NFIA: variants seen among roughly 807,000 people sequenced by gnomAD.
The protein encoded by NFIA is nuclear factor I A.
A neutral mutation model predicts 62.8 loss-of-function variants in NFIA; 8 were observed. The observed-to-expected ratio is 0.13, with a 90% CI of 0.07 to 0.23. NFIA has a LOEUF of 0.23. Ranked by LOEUF, NFIA falls within the 10% of genes least tolerant of loss-of-function variation. The pLI, the probability that NFIA is intolerant of heterozygous loss-of-function variation, is 1.00. For missense variants in NFIA, 410 were observed against 642.1 expected (o/e 0.64, Z 3.91); for synonymous variants, 235 against 238.1 (o/e 0.99, Z 0.12).
At chr1:61,215,923 G>A (rs1653591123) in intron 2 of NFIA, among the ~76,000 whole-genome samples, 1 of 152,152 alleles carries the variant, frequency 6.6e-6, no homozygotes, top group Non-Finnish European at 1.5e-5. Flanking sequence ...CAGCATTCAC[G>A]TACCTTGCTT....
chr1:61,099,206 T>C (rs1489820407), intron 2 of NFIA, among the ~76,000 whole-genome samples: 1 of 152,232 alleles, frequency 6.6e-6, no homozygotes, highest in Non-Finnish European at 1.5e-5. Context: ...AAAGACTGAT[T>C]ATGCATAGCT....
chr1:61,395,291 T>G (rs955584620), intron 7 of NFIA, among the ~76,000 whole-genome samples: 54 of 150,686 alleles, frequency 3.6e-4, no homozygotes, highest in East Asian at 9.7e-4. Context: ...TGTGTGTGTT[T>G]TTTTTTTTTT....
rs774085968 is a variant in NFIA, at chr1:61,404,117, A to G, written c.1089A>G (p.Ala363=). The G allele has an allele frequency of 4.3e-6, 7 of 1,614,002 alleles. No individual in the cohort carries two copies. In the East Asian group the frequency reaches 1.6e-4, roughly 36 times the overall value. The change falls in exon 8 of 11, where the codon GCA becomes GCG. Residue 363 remains alanine (A), a synonymous_variant. Coordinates refer to ENST00000403491, the MANE Select transcript of NFIA (RefSeq NM_001134673.4). ...CTTTTCCTGCAGCAAGTCCGCATGC[A>G]ACACCATCGACTCTTCATTTCCCGA... The part of the protein sequence containing the change: ...VITGPRASPH[A]TPSTLHFPTS...
At chr1:61,335,478 C>T (rs984870859) in intron 4 of NFIA, among the ~76,000 whole-genome samples, 1 of 152,148 alleles carries the variant, frequency 6.6e-6, no homozygotes, top group African/African-American at 2.4e-5. Context: ...GAGAAGCAAC[C>T]GTTTCAGAAC....
At chr1:61,181,969 TTTG>T (rs1650789599) in intron 2 of NFIA, among the ~76,000 whole-genome samples, 1 of 152,218 alleles carries the variant, frequency 6.6e-6, no homozygotes, top group Admixed American at 6.5e-5. Context: ...AGACTCAAAG[TTTG>T]TTAAGTGAAT....
At chr1:61,195,566 G>A (rs745411627) in intron 2 of NFIA, among the ~76,000 whole-genome samples, 1 of 152,084 alleles carries the variant, frequency 6.6e-6, no homozygotes, top group Non-Finnish European at 1.5e-5. Context: ...ATTTTAAAAT[G>A]TAATTTGGCT....
intron 6 of NFIA, among the ~76,000 whole-genome samples, chr1:61,366,564 T>C (rs902242304): frequency 2.6e-5 from 4 of 152,254 alleles, no homozygotes; most frequent in Non-Finnish European, 5.9e-5. Flanking sequence ...TTTATTTTTA[T>C]AAATAACTTT....
Position 61,455,593 on chromosome 1 carries a change from G to T in NFIA, c.*273G>T. 1.9e-6 allele frequency: 1 copy of T among 528,746 alleles called. No individual in the cohort carries two copies. Among genetic ancestry groups the T allele is most frequent in the Non-Finnish European group, 3.3e-6 (1 of 305,524 alleles). 32.8% of individuals were successfully genotyped at this position (528,746 alleles called of 1,614,324 possible). A position where few individuals can be genotyped will look rare whatever the true frequency, so the allele number is the denominator to read the frequency against. On this transcript the variant is annotated 3_prime_UTR_variant, in exon 11 of 11. Transcript: ENST00000403491. ...GAAATGGTTGGGCTTTGTAACATTTGAAGTGTTTCCATGGTAGCGTGAGCA... is the reference window on the plus strand; with the variant it reads ...GAAATGGTTGGGCTTTGTAACATTTTAAGTGTTTCCATGGTAGCGTGAGCA...
At chr1:61,233,968 G>T (rs1276100725) in intron 2 of NFIA, among the ~76,000 whole-genome samples, 1 of 152,148 alleles carries the variant, frequency 6.6e-6, no homozygotes, top group Non-Finnish European at 1.5e-5. Context: ...TCTACAGAGA[G>T]CTGTGAAGAG....
chr1:61,119,022 C>A (rs1347511572), intron 2 of NFIA, among the ~76,000 whole-genome samples: 2 of 151,928 alleles, frequency 1.3e-5, no homozygotes, highest in African/African-American at 4.8e-5. Flanking sequence ...GTCTTTTCCT[C>A]CTATAATACA....
intron 9 of NFIA, among the ~76,000 whole-genome samples, chr1:61,417,087 T>G (rs1416394361): frequency 6.6e-6 from 1 of 152,086 alleles, no homozygotes; most frequent in Non-Finnish European, 1.5e-5. Context: ...CATAACCCAG[T>G]CAACTCTTGT....
intron 3 of NFIA, among the ~76,000 whole-genome samples, chr1:61,280,478 T>C (rs1658066643): frequency 6.6e-6 from 1 of 152,190 alleles, no homozygotes; most frequent in African/African-American, 2.4e-5. Flanking sequence ...TTTGTATGTA[T>C]GCGAAAAAAT....
At chr1:61,164,563 C>T (rs1224218252) in intron 2 of NFIA, among the ~76,000 whole-genome samples, 1 of 151,980 alleles carries the variant, frequency 6.6e-6, no homozygotes, top group Non-Finnish European at 1.5e-5. Flanking sequence ...GGGTTCACGC[C>T]ATTCTCCTGC....
chr1:61,128,162 G>A (rs989591938), intron 2 of NFIA, among the ~76,000 whole-genome samples: 18 of 151,704 alleles, frequency 1.2e-4, no homozygotes, highest in African/African-American at 4.4e-4. Flanking sequence ...TGTTGCCCAC[G>A]CTGGCTCAAA....
At chr1:61,394,123 C>T (rs926258503) in intron 7 of NFIA, among the ~76,000 whole-genome samples, 2 of 152,180 alleles carry the variant, frequency 1.3e-5, no homozygotes, top group African/African-American at 4.8e-5. Context: ...CACCTGTGTA[C>T]ATTAATGCTA....
chr1:61,369,857 T>C (rs531217035), intron 6 of NFIA, among the ~76,000 whole-genome samples: 1 of 152,192 alleles, frequency 6.6e-6, no homozygotes, highest in Non-Finnish European at 1.5e-5. Flanking sequence ...ATACTATTGT[T>C]TGCAGACTTA....
intron 2 of NFIA, among the ~76,000 whole-genome samples, chr1:61,187,267 G>A (rs1651255416): frequency 6.6e-6 from 1 of 152,018 alleles, no homozygotes; most frequent in Admixed American, 6.6e-5. Flanking sequence ...CTTGTGACCT[G>A]CCCGAGCCCC....
chr1:61,202,533 A>C (rs763682941), intron 2 of NFIA, among the ~76,000 whole-genome samples: 5 of 152,224 alleles, frequency 3.3e-5, no homozygotes, highest in Non-Finnish European at 7.3e-5. Flanking sequence ...AGGATGATAC[A>C]TACCAGGTCT....
chr1:61,316,850 C>A (rs1171590229), intron 3 of NFIA, among the ~76,000 whole-genome samples: 1 of 152,218 alleles, frequency 6.6e-6, no homozygotes, highest in African/African-American at 2.4e-5. Context: ...AAGACCCTTT[C>A]TTTAATGATG....
Sources: allele counts gnomAD v4.1 joint callset (sites outside exome capture counted in the v4.1 genomes callset), GRCh38; gene constraint gnomAD v4.1.1; transcripts MANE v1.5; gene names NCBI Gene and HGNC (gene_info 2026-07-23, HGNC 2026-07-21).